C1orf21: variants seen among roughly 807,000 people sequenced by gnomAD.
The protein encoded by C1orf21 is uncharacterized protein C1orf21.
C1orf21 carries 3 observed loss-of-function variants against 18.7 expected under a neutral mutation model. The observed-to-expected ratio is 0.16, with a 90% CI of 0.07 to 0.42. The LOEUF is 0.42. Among genes scored for constraint, C1orf21 ranks in the 10% least tolerant of loss-of-function variants. C1orf21 has a pLI of 0.99. For synonymous variants in C1orf21, 41 were observed against 46.4 expected (o/e 0.88, Z 0.47); for missense variants, 104 against 143.6 (o/e 0.72, Z 1.41).
chr1:184,451,129 C>T (rs535209156), intron 1 of C1orf21, among the ~76,000 whole-genome samples: 2 of 152,266 alleles, frequency 1.3e-5, no homozygotes, highest in African/African-American at 4.8e-5. Context: ...CCGTCTGCCT[C>T]GGCCTCCCAA....
At chr1:184,523,964 G>T (rs192710940) in intron 3 of C1orf21, among the ~76,000 whole-genome samples, 340 of 152,168 alleles carry the variant, frequency 2.2e-3, no homozygotes, top group African/African-American at 7.5e-3. Flanking sequence ...GAAATCTTAC[G>T]TCAACTTGTC....
In C1orf21 at chr1:184,470,382, A is replaced by G. The variant is rs190340592; in HGVS notation, c.-124-7004A>G. On this transcript the variant is annotated intron_variant, in intron 1 of 5. Coordinates refer to ENST00000235307, the MANE Select transcript of C1orf21 (RefSeq NM_030806.4). ...AAAACAGTCCAGAAAAAAAAGGGGG[A>G]AAACAGGTGCTGCTATTATTAATTT... Among the ~76,000 whole-genome samples the G allele has an allele frequency of 3.9e-5, 6 of 152,250 alleles. No individual in the cohort carries two copies. In the East Asian group the frequency reaches 9.6e-4, roughly 24 times the overall value.
In C1orf21 at chr1:184,410,627, ATATATATATATATAT is replaced by A. The variant is rs1299062768; in HGVS notation, c.-125+23260_-125+23274del. 1.9e-3 allele frequency among the ~76,000 whole-genome samples: 6 copies of A among 3,202 alleles called. 1 individual carries two copies. Among genetic ancestry groups the A allele is most frequent in the African/African-American group, 7.0e-3 (6 of 856 alleles). 2.1% of individuals were successfully genotyped at this position (3,202 alleles called of 152,430 possible). A position where few individuals can be genotyped will look rare whatever the true frequency, so the allele number is the denominator to read the frequency against. On this transcript the variant is annotated intron_variant, in intron 1 of 5. Transcript: ENST00000235307. ...AATTTGCCATATATATTATATATAT[ATATATATATATATAT>A]ATATATATATATATATATATATTTT... is the stretch of plus-strand genomic sequence containing the variant.
chr1:184,574,134 G>C (rs1360413202), intron 3 of C1orf21, among the ~76,000 whole-genome samples: 3 of 152,214 alleles, frequency 2.0e-5, no homozygotes, highest in Non-Finnish European at 2.9e-5. Flanking sequence ...GAACTCAGGA[G>C]GTGGAGATTG....
chr1:184,607,565 A>G (rs1659664596), intron 5 of C1orf21, among the ~76,000 whole-genome samples: 1 of 152,004 alleles, frequency 6.6e-6, no homozygotes. Context: ...ACAGTGCAAT[A>G]TTATGCAGCA....
chr1:184,441,129 C>T (rs530713206), intron 1 of C1orf21, among the ~76,000 whole-genome samples: 29 of 152,266 alleles, frequency 1.9e-4, no homozygotes, highest in Non-Finnish European at 4.0e-4. Flanking sequence ...GTGGAAATTT[C>T]CACTCCCAGC....
chr1:184,569,732 A>G (rs1189332964), intron 3 of C1orf21, among the ~76,000 whole-genome samples: 1 of 152,214 alleles, frequency 6.6e-6, no homozygotes, highest in Non-Finnish European at 1.5e-5. Flanking sequence ...ACAAGACAGA[A>G]TGATGATAGA....
At chr1:184,580,920 A>G (rs1291996705) in intron 3 of C1orf21, among the ~76,000 whole-genome samples, 5 of 152,068 alleles carry the variant, frequency 3.3e-5, no homozygotes, top group Admixed American at 2.6e-4. Context: ...AAAACTCCCT[A>G]TGTATTTTTT....
chr1:184,402,094 A>G (rs1388219657), intron 1 of C1orf21, among the ~76,000 whole-genome samples: 1 of 152,182 alleles, frequency 6.6e-6, no homozygotes, highest in Non-Finnish European at 1.5e-5. Context: ...ACCTAATTGA[A>G]TATCCATTTT....
At chr1:184,509,175 G>A (rs1156558148) in intron 3 of C1orf21, among the ~76,000 whole-genome samples, 3 of 152,138 alleles carry the variant, frequency 2.0e-5, no homozygotes, top group Admixed American at 2.0e-4. Context: ...AACCAAAGAA[G>A]CAACACCTTG....
chr1:184,392,819 C>CTTTTT (rs397861528), intron 1 of C1orf21, among the ~76,000 whole-genome samples: 22 of 96,838 alleles, frequency 2.3e-4, no homozygotes, highest in African/African-American at 5.4e-4. Flanking sequence ...GACATTCCTC[C>CTTTTT]TTTTTTTTTT....
intron 3 of C1orf21, among the ~76,000 whole-genome samples, chr1:184,543,902 CA>C (rs1377945743): frequency 6.6e-6 from 1 of 152,012 alleles, no homozygotes; most frequent in Non-Finnish European, 1.5e-5. Flanking sequence ...CATTTATTCT[CA>C]CCAGGAACTA....
At position 184,502,627 on chromosome 1, in the gene C1orf21, A is replaced by G. The variant is rs1396188986; in HGVS notation, c.95-4961A>G. Reference sequence around the variant, plus strand: ...TTAGTGACATTAACATTTTTGGATTATGAGGTATCATAAGGGATATTTACA... The same window carrying G: ...TTAGTGACATTAACATTTTTGGATTGTGAGGTATCATAAGGGATATTTACA... On this transcript the variant is annotated intron_variant, in intron 2 of 5. Transcript: ENST00000235307. Among the ~76,000 whole-genome samples, 3 of 152,270 alleles carry G rather than the reference A, an allele frequency of 2.0e-5. No homozygotes were observed. In the South Asian group the frequency reaches 6.2e-4, roughly 32 times the overall value.
rs1658781816 is a variant in C1orf21 at position 184,549,481 on chromosome 1, A to G, written c.190-41258A>G. 3.3e-5 allele frequency among the ~76,000 whole-genome samples: 5 copies of G among 152,004 alleles called. No individual in the cohort carries two copies. The South Asian group carries it at 1.0e-3, about 32-fold the overall frequency. On this transcript the variant is annotated intron_variant, in intron 3 of 5. Transcript: ENST00000235307. The stretch of plus-strand genomic sequence containing the variant: ...ATATGTATTAAATATATAAAGTTAC[A>G]TACACTAACATTTTTACCTTTTTAG...
Position 184,628,592 on chromosome 1 carries a change from A to C in C1orf21, c.*9036A>C, listed in dbSNP as rs1660055321. The C allele has an allele frequency of 6.6e-6, 1 of 152,544 alleles. No homozygotes were observed. Among genetic ancestry groups the C allele is most frequent in the African/African-American group, 2.4e-5 (1 of 41,410 alleles). 9.4% of individuals were successfully genotyped at this position (152,544 alleles called of 1,614,324 possible). The stretch of plus-strand genomic sequence containing the variant: ...CAAATCTGGGAGATGAGGAAAGAAA[A>C]CTCACTCACAAACAACATAAATGTA... On this transcript the variant is annotated 3_prime_UTR_variant, in exon 6 of 6. Transcript: ENST00000235307.
chr1:184,436,724 G>A (rs550785778), intron 1 of C1orf21, among the ~76,000 whole-genome samples: 2 of 151,930 alleles, frequency 1.3e-5, no homozygotes, highest in Non-Finnish European at 2.9e-5. Flanking sequence ...TTCGATAAAC[G>A]TCTGTTGAAC....
intron 3 of C1orf21, chr1:184,567,066 A>T (rs1452100813): frequency 8.1e-6 from 4 of 493,224 alleles, no homozygotes; most frequent in Non-Finnish European, 1.6e-5. Flanking sequence ...CATCTGAAAA[A>T]CATCCTTGAG....
intron 1 of C1orf21, among the ~76,000 whole-genome samples, chr1:184,462,850 G>A (rs1211571309): frequency 1.3e-5 from 2 of 152,096 alleles, no homozygotes; most frequent in Non-Finnish European, 2.9e-5. Context: ...GGGAGGCTGA[G>A]GTGGGCGGAT....
intron 1 of C1orf21, among the ~76,000 whole-genome samples, chr1:184,428,337 C>T (rs1459706992): frequency 6.6e-6 from 1 of 152,118 alleles, no homozygotes; most frequent in Non-Finnish European, 1.5e-5. Flanking sequence ...CATTTAAAAT[C>T]AGGGCATTAC....
Sources: gnomAD v4.1 joint callset for allele counts (sites outside exome capture counted in the v4.1 genomes callset) on GRCh38, gnomAD v4.1.1 for gene constraint, MANE v1.5 for transcripts, NCBI Gene and HGNC (gene_info 2026-07-23, HGNC 2026-07-21) for gene names.